ACAA2: variants seen among roughly 807,000 people sequenced by gnomAD.
The protein encoded by ACAA2 is 3-ketoacyl-CoA thiolase, mitochondrial.
Under a neutral mutation model 44.8 loss-of-function variants are expected in ACAA2, and 35 were observed. That is an observed-to-expected ratio of 0.78 (90% CI 0.60 to 1.04). The LOEUF is 1.04. Among genes scored for constraint, ACAA2 ranks in the 50% least tolerant of loss-of-function variants. The pLI, the probability that ACAA2 is intolerant of heterozygous loss-of-function variation, is 0.00. For synonymous variants in ACAA2, 142 were observed against 166.5 expected (o/e 0.85, Z 1.13); for missense variants, 468 against 482.6 (o/e 0.97, Z 0.28).
At chr18:49,794,480 AAT>A (rs34944087) in intron 4 of ACAA2, 53 bp from the exon 5 acceptor site, 290,213 of 1,338,078 alleles carry the variant, frequency 0.22, 33,051 homozygotes, top group East Asian at 0.36. Context: ...TTTTAAAAGT[AAT>A]ATGTTATAAT....
intron 2 of ACAA2, among the ~76,000 whole-genome samples, chr18:49,801,736 ATATT>A (rs1277507544): frequency 5.4e-5 from 8 of 148,726 alleles, no homozygotes; most frequent in Non-Finnish European, 1.2e-4. Context: ...TATCATATAT[ATATT>A]TGTGTGTGTA....
rs73959713 is a variant in ACAA2, at chr18:49,810,367, T to C, written c.16+3102A>G. Among the ~76,000 whole-genome samples the C allele has an allele frequency of 1.3e-3, 194 of 152,282 alleles. 2 individuals carry two copies. The highest frequency in any genetic ancestry group is 4.4e-3 in the African/African-American group (183 of 41,548). ...AAATGACATATTGCACACATGGAAA[T>C]GACCCCTCACTTCTCAGAAACAATA... On this transcript the variant is annotated intron_variant, in intron 1 of 9. Coordinates refer to ENST00000285093, the MANE Select transcript of ACAA2 (RefSeq NM_006111.3).
At chr18:49,808,306 AC>A (rs1208729163) in intron 1 of ACAA2, among the ~76,000 whole-genome samples, 3 of 152,194 alleles carry the variant, frequency 2.0e-5, no homozygotes, top group Admixed American at 2.0e-4. Context: ...TTCTTATAAA[AC>A]TAAACACACC....
intron 8 of ACAA2, chr18:49,786,115 T>C (rs1188847678): frequency 6.6e-6 from 1 of 152,066 alleles, no homozygotes; most frequent in Non-Finnish European, 1.5e-5. Flanking sequence ...TTTTGCAGAG[T>C]TGGGATAAAA....
chr18:49,784,116 C>CAA (rs75478873), intron 9 of ACAA2, among the ~76,000 whole-genome samples, 185 bp from the exon 10 acceptor site: 47 of 150,934 alleles, frequency 3.1e-4, no homozygotes, highest in East Asian at 1.2e-3. Context: ...AGTTTTTAAT[C>CAA]AAAAAAAACA....
chr18:49,798,105 C>T (rs1598797356), intron 2 of ACAA2, among the ~76,000 whole-genome samples: 1 of 152,114 alleles, frequency 6.6e-6, no homozygotes, highest in African/African-American at 2.4e-5. Context: ...GCTGGAATAA[C>T]CTAGGAAGCT....
intron 9 of ACAA2, among the ~76,000 whole-genome samples, chr18:49,784,396 C>T (rs1277573826): frequency 1.3e-5 from 2 of 152,090 alleles, no homozygotes; most frequent in African/African-American, 4.8e-5. Context: ...TAAAGTTTGT[C>T]CCTATGAAAG....
chr18:49,791,839 T>C (rs1484105134), intron 6 of ACAA2, among the ~76,000 whole-genome samples: 1 of 151,584 alleles, frequency 6.6e-6, no homozygotes, highest in Non-Finnish European at 1.5e-5. Flanking sequence ...TAGATGTGAG[T>C]AGATGTAAGA....
chr18:49,785,190 C>T lies in ACAA2; in HGVS notation c.1109+7G>A, dbSNP rs1396737110. The T allele has an allele frequency of 1.9e-6, 3 of 1,607,232 alleles. No individual in the cohort carries two copies. The highest frequency in any genetic ancestry group is 1.7e-6 in the Non-Finnish European group (2 of 1,177,616). On this transcript the variant is annotated splice_region_variant and intron_variant, in intron 9 of 9. Coordinates refer to ENST00000285093, the MANE Select transcript of ACAA2 (RefSeq NM_006111.3). ...AAATCTGAAATGCAGCTATTTCTAG[C>T]AAATACCTTAATTCGTGAACCAGGT... is the stretch of plus-strand genomic sequence containing the variant.
chr18:49,786,199 A>G (rs1462988264), intron 8 of ACAA2: 2 of 152,184 alleles, frequency 1.3e-5, no homozygotes, highest in Admixed American at 6.5e-5. Flanking sequence ...TAGATCCACC[A>G]TTATCTTTCT....
chr18:49,785,120 G>T, intron 9 of ACAA2, 77 bp downstream of exon 9: 1 of 1,506,800 alleles, frequency 6.6e-7, no homozygotes, highest in South Asian at 1.3e-5. Flanking sequence ...AAATGTTGGA[G>T]TGTTCTGGGG....
chr18:49,793,155 T>C (rs2023425662), intron 5 of ACAA2, among the ~76,000 whole-genome samples: 1 of 152,172 alleles, frequency 6.6e-6, no homozygotes, highest in Non-Finnish European at 1.5e-5. Flanking sequence ...TTAATAGTGA[T>C]AGGCAACCTG....
intron 2 of ACAA2, among the ~76,000 whole-genome samples, chr18:49,800,425 G>T (rs2023532273): frequency 6.6e-6 from 1 of 152,226 alleles, no homozygotes; most frequent in Non-Finnish European, 1.5e-5. Context: ...AACGGGCCAT[G>T]ATGACCGTGG....
At chr18:49,803,265 A>ATAATAAT (rs1322207073) in intron 1 of ACAA2, among the ~76,000 whole-genome samples, 1 of 148,432 alleles carries the variant, frequency 6.7e-6, no homozygotes, top group Non-Finnish European at 1.5e-5. Flanking sequence ...AATAATAATA[A>ATAATAAT]TAATAATAAT....
intron 2 of ACAA2, among the ~76,000 whole-genome samples, chr18:49,802,388 C>G (rs750943016): frequency 3.3e-5 from 5 of 151,826 alleles, no homozygotes; most frequent in Non-Finnish European, 5.9e-5. Flanking sequence ...GTGGTAAAAC[C>G]CTGTCTCTAT....
chr18:49,794,259 A>G, intron 5 of ACAA2, 21 bp downstream of exon 5: 1 of 1,581,698 alleles, frequency 6.3e-7, no homozygotes, highest in Non-Finnish European at 8.6e-7. Flanking sequence ...ATAGATACTG[A>G]TACTTTCCAG....
At chr18:49,802,592 T>C in intron 2 of ACAA2, 95 bp downstream of exon 2, 2 of 1,244,526 alleles carry the variant, frequency 1.6e-6, no homozygotes, top group Non-Finnish European at 2.2e-6. Context: ...ATAACTATTA[T>C]TAACTTGTTT....
At chr18:49,793,594 C>T (rs2023431211) in intron 5 of ACAA2, among the ~76,000 whole-genome samples, 2 of 152,228 alleles carry the variant, frequency 1.3e-5, no homozygotes, top group South Asian at 2.1e-4. Context: ...CTAAGATGGA[C>T]TTTATCCTCA....
At chr18:49,804,961 TAC>T (rs2023595765) in intron 1 of ACAA2, among the ~76,000 whole-genome samples, 1 of 152,234 alleles carries the variant, frequency 6.6e-6, no homozygotes, top group South Asian at 2.1e-4. Context: ...GTCTACTAAA[TAC>T]TAGACATTTT....
Sources: allele counts gnomAD v4.1 joint callset (sites outside exome capture counted in the v4.1 genomes callset), GRCh38; gene constraint gnomAD v4.1.1; transcripts MANE v1.5; gene names NCBI Gene and HGNC (gene_info 2026-07-23, HGNC 2026-07-21).